SGCD: variants seen among roughly 807,000 people sequenced by gnomAD.
The protein encoded by SGCD is sarcoglycan delta, also known as delta-sarcoglycan.
SGCD carries 18 observed loss-of-function variants against 36.6 expected under a neutral mutation model. The ratio of observed to expected loss-of-function variants is 0.49; its 90% CI spans 0.34 to 0.73. SGCD has a LOEUF of 0.73. Ranked by LOEUF, SGCD falls within the 30% of genes least tolerant of loss-of-function variation. The pLI is 0.01. For missense variants in SGCD, 387 were observed against 346.7 expected, an observed-to-expected ratio of 1.12 and a Z score of -0.92; for synonymous variants, 133 against 130.6, an observed-to-expected ratio of 1.02 and a Z score of -0.12.
chr5:156,722,170 G>A (rs771162270), intron 7 of SGCD, among the ~76,000 whole-genome samples: 13 of 152,124 alleles, frequency 8.5e-5, no homozygotes, highest in Admixed American at 5.2e-4. Flanking sequence ...CAGTGTAGTC[G>A]ATTCTCCTTT....
intron 3 of SGCD, among the ~76,000 whole-genome samples, chr5:156,192,092 TG>T (rs1161171421): frequency 6.6e-6 from 1 of 152,176 alleles, no homozygotes. Flanking sequence ...CAGAGATTAC[TG>T]GTCTGTAAGA....
intron 3 of SGCD, among the ~76,000 whole-genome samples, chr5:156,368,476 G>A (rs374126892): frequency 9.8e-5 from 15 of 152,288 alleles, no homozygotes; most frequent in South Asian, 6.2e-4. Flanking sequence ...AACCTCTACC[G>A]TAGGAAGCAA....
At chr5:156,047,540 T>C (rs1024104834) in intron 1 of SGCD, among the ~76,000 whole-genome samples, 2 of 152,126 alleles carry the variant, frequency 1.3e-5, no homozygotes, top group Non-Finnish European at 2.9e-5. Context: ...CTAAATCTAC[T>C]CTGCCTATGC....
chr5:156,161,701 A>G (rs974945169), intron 3 of SGCD, among the ~76,000 whole-genome samples: 4 of 151,808 alleles, frequency 2.6e-5, no homozygotes, highest in Admixed American at 1.3e-4. Flanking sequence ...TGGGAGAACT[A>G]TTATATGTTT....
intron 1 of SGCD, among the ~76,000 whole-genome samples, chr5:155,940,623 G>T (rs10475595): frequency 6.6e-6 from 1 of 151,888 alleles, no homozygotes; most frequent in South Asian, 2.1e-4. Flanking sequence ...AGGTGGGTGG[G>T]TCACAAGTCA....
chr5:155,746,088 C>T, the SGCD span, among the ~76,000 whole-genome samples: 1 of 151,978 alleles, frequency 6.6e-6, no homozygotes, highest in South Asian at 2.1e-4. Context: ...AATAAAATGT[C>T]CATCATTAGG....
At chr5:156,473,997 T>C (rs1359601816) in intron 3 of SGCD, among the ~76,000 whole-genome samples, 1 of 151,490 alleles carries the variant, frequency 6.6e-6, no homozygotes, top group Non-Finnish European at 1.5e-5. Context: ...CACTGTTAGA[T>C]AGCATTTCAG....
At chr5:156,446,625 T>C (rs1753765659) in intron 3 of SGCD, among the ~76,000 whole-genome samples, 8 of 152,194 alleles carry the variant, frequency 5.3e-5, no homozygotes, top group Admixed American at 5.2e-4. Context: ...ACAGCGTCTT[T>C]AGCATAAAGG....
chr5:156,397,041 G>A (rs930120998), intron 3 of SGCD, among the ~76,000 whole-genome samples: 1 of 152,146 alleles, frequency 6.6e-6, no homozygotes, highest in Non-Finnish European at 1.5e-5. Context: ...TTTCTAGGAG[G>A]TTAAAGGGTC....
At chr5:156,105,638 A>G (rs1364388561) in intron 1 of SGCD, among the ~76,000 whole-genome samples, 1 of 152,220 alleles carries the variant, frequency 6.6e-6, no homozygotes, top group Non-Finnish European at 1.5e-5. Flanking sequence ...TTACAAAAAC[A>G]TGAAGGAAAA....
chr5:155,832,728 G>A, the SGCD span, among the ~76,000 whole-genome samples: 116 of 146,898 alleles, frequency 7.9e-4, no homozygotes, highest in Non-Finnish European at 1.3e-3. Context: ...GAGTGAGTGA[G>A]TGAAACCAAA....
intron 3 of SGCD, among the ~76,000 whole-genome samples, chr5:156,252,956 T>G (rs539606856): frequency 1.3e-5 from 2 of 152,322 alleles, no homozygotes; most frequent in Admixed American, 1.3e-4. Context: ...AAATCACTAA[T>G]ACCTACTCTT....
chr5:155,880,264 C>T (rs184980081), intron 1 of SGCD, among the ~76,000 whole-genome samples: 8 of 152,296 alleles, frequency 5.3e-5, no homozygotes, highest in Admixed American at 3.9e-4. Context: ...TGGCACACTG[C>T]ATGGCCCATG....
At chr5:156,088,347 T>C (rs1029714764) in intron 1 of SGCD, among the ~76,000 whole-genome samples, 5 of 152,130 alleles carry the variant, frequency 3.3e-5, no homozygotes, top group African/African-American at 9.7e-5. Flanking sequence ...GAGAGTCTTA[T>C]TTATGGGCCA....
At chr5:156,429,362 A>G (rs10064035) in intron 3 of SGCD, among the ~76,000 whole-genome samples, 3,858 of 150,854 alleles carry the variant, frequency 0.026, 181 homozygotes, top group African/African-American at 0.088. Context: ...TTTGCCTAGA[A>G]TATCTTTTTC....
chr5:156,641,685 G>C (rs992360597), intron 6 of SGCD, among the ~76,000 whole-genome samples: 1 of 152,178 alleles, frequency 6.6e-6, no homozygotes. Context: ...GGCTGGCTTT[G>C]AGCATTAATC....
At chr5:156,362,037 A>G (rs1255752111) in intron 3 of SGCD, among the ~76,000 whole-genome samples, 1 of 152,228 alleles carries the variant, frequency 6.6e-6, no homozygotes, top group African/African-American at 2.4e-5. Context: ...CAAGTTCAAA[A>G]GCCCTGATTG....
intron 3 of SGCD, among the ~76,000 whole-genome samples, chr5:156,425,006 A>G (rs1773607202): frequency 6.6e-6 from 1 of 152,094 alleles, no homozygotes; most frequent in Admixed American, 6.6e-5. Context: ...TGTTCAGCAT[A>G]AACCCTATTG....
chr5:156,491,328 A>G (rs1755927123), intron 3 of SGCD, among the ~76,000 whole-genome samples: 1 of 152,186 alleles, frequency 6.6e-6, no homozygotes, highest in Admixed American at 6.5e-5. Flanking sequence ...CTCTTCACAA[A>G]GTACAAAAAA....
Sources: gnomAD v4.1 joint callset for allele counts (sites outside exome capture counted in the v4.1 genomes callset) on GRCh38, gnomAD v4.1.1 for gene constraint, MANE v1.5 for transcripts, NCBI Gene and HGNC (gene_info 2026-07-23, HGNC 2026-07-21) for gene names.